GRIP2: variants seen among roughly 807,000 people sequenced by gnomAD.
The protein encoded by GRIP2 is glutamate receptor interacting protein 2.
Under a neutral mutation model 108.3 loss-of-function variants are expected in GRIP2, and 58 were observed. The ratio of observed to expected loss-of-function variants is 0.54; its 90% CI spans 0.43 to 0.67. The LOEUF is 0.67. GRIP2 is among the 30% of genes least tolerant of loss of function. GRIP2 has a pLI of 0.00. For synonymous variants in GRIP2, 586 were observed against 598.2 expected, an observed-to-expected ratio of 0.98 and a Z score of 0.30; for missense variants, 1,278 against 1,430.6, an observed-to-expected ratio of 0.89 and a Z score of 1.72.
chr3:14,584,379 A>C, the GRIP2 span, among the ~76,000 whole-genome samples: 2 of 152,078 alleles, frequency 1.3e-5, no homozygotes, highest in Non-Finnish European at 2.9e-5. Flanking sequence ...CTTCAAGCCC[A>C]CCGTGGAGGC....
chr3:14,551,232 A>G (rs763720692), intron 1 of GRIP2, among the ~76,000 whole-genome samples: 6 of 152,130 alleles, frequency 3.9e-5, no homozygotes, highest in Non-Finnish European at 5.9e-5. Context: ...CTTCACAACG[A>G]TCTGGACAAT....
rs72297166 is a variant in GRIP2, at chr3:14,527,391, A to AG, written c.41-1461dup. On this transcript the variant is annotated intron_variant, in intron 1 of 23. Coordinates refer to ENST00000621039, the MANE Select transcript of GRIP2 (RefSeq NM_001080423.4). ...TTGAAAGGAAAGGAAAGGAAAGGAAAGAAAGGAAAGGAAAGAAGGAAAGCG... is the reference window on the plus strand; with the variant it reads ...TTGAAAGGAAAGGAAAGGAAAGGAAAGGAAAGGAAAGGAAAGAAGGAAAGCG... 1.8e-4 allele frequency among the ~76,000 whole-genome samples: 25 copies of AG among 140,722 alleles called. No individual in the cohort carries two copies. In the South Asian group the frequency reaches 2.0e-3, roughly 11 times the overall value. 92.3% of individuals were successfully genotyped at this position (140,722 alleles called of 152,430 possible). A position where few individuals can be genotyped will look rare whatever the true frequency, so the allele number is the denominator to read the frequency against.
At chr3:14,520,858 A>G in intron 7 of GRIP2, 1 of 318,364 alleles carries the variant, frequency 3.1e-6, no homozygotes, top group Non-Finnish European at 5.9e-6. Flanking sequence ...AAAGTTCACT[A>G]CAACCCATCC....
the GRIP2 span, among the ~76,000 whole-genome samples, chr3:14,602,999 C>A: frequency 4.8e-5 from 7 of 146,814 alleles, no homozygotes; most frequent in African/African-American, 1.7e-4. This position sits in a 1 kb window ranked among gnomAD's most constrained non-coding sequence, Gnocchi z 4.7. Flanking sequence ...GGCCGCCCTG[C>A]GGCCCGGCCC....
the GRIP2 span, among the ~76,000 whole-genome samples, chr3:14,561,126 C>T: frequency 1.1e-3 from 163 of 152,342 alleles, no homozygotes; most frequent in African/African-American, 3.7e-3. Flanking sequence ...ACCTGCCAGG[C>T]TCCCCTGTGC....
chr3:14,594,507 A>G, the GRIP2 span, among the ~76,000 whole-genome samples: 1 of 152,174 alleles, frequency 6.6e-6, no homozygotes, highest in Admixed American at 6.5e-5. Flanking sequence ...CTGTCTGGAG[A>G]GTCCCAGACT....
the GRIP2 span, among the ~76,000 whole-genome samples, chr3:14,599,681 C>CTGTGTGTGTGTGTGTGTGTGTG: frequency 5.4e-5 from 7 of 130,484 alleles, no homozygotes; most frequent in African/African-American, 2.1e-4. Context: ...CTCTCTCTCT[C>CTGTGTGTGTGTGTGTGTGTGTG]TCTCTGTGTG....
intron 1 of GRIP2, among the ~76,000 whole-genome samples, chr3:14,552,952 T>C (rs1316286728): frequency 3.3e-5 from 5 of 152,054 alleles, no homozygotes; most frequent in African/African-American, 1.2e-4. Flanking sequence ...TCAAGGACCA[T>C]CCATGGCTCC....
At chr3:14,494,514 G>C (rs181491994) in intron 23 of GRIP2, among the ~76,000 whole-genome samples, 344 of 152,286 alleles carry the variant, frequency 2.3e-3, no homozygotes, top group African/African-American at 7.9e-3. Context: ...AAAAATCCAC[G>C]TGTGACTTTC....
chr3:14,575,902 C>T, the GRIP2 span, among the ~76,000 whole-genome samples: 6 of 152,342 alleles, frequency 3.9e-5, no homozygotes, highest in African/African-American at 1.2e-4. Context: ...GGAGGCTGTG[C>T]CCCCTTATCA....
At chr3:14,501,882 A>G (rs1276381543) in intron 21 of GRIP2, among the ~76,000 whole-genome samples, 1 of 152,210 alleles carries the variant, frequency 6.6e-6, no homozygotes, top group Non-Finnish European at 1.5e-5. Context: ...CTACAAGAAT[A>G]CAAATAAAAT....
At chr3:14,581,540 C>A in the GRIP2 span, among the ~76,000 whole-genome samples, 221 of 152,372 alleles carry the variant, frequency 1.5e-3, 2 homozygotes, top group African/African-American at 5.1e-3. Flanking sequence ...GGGACAAGCA[C>A]GTGACCCCAC....
Position 14,521,592 on chromosome 3 carries a change from A to G in GRIP2, c.712+50T>C. 1 of 1,536,586 alleles carries G rather than the reference A, an allele frequency of 6.5e-7. No homozygotes were observed. ...TCCATGGCCACTGCCACCTCCCCCCATCCCAGGCCTCCTCCTGCCCCAACC... is the reference window on the plus strand; with the variant it reads ...TCCATGGCCACTGCCACCTCCCCCCGTCCCAGGCCTCCTCCTGCCCCAACC... On this transcript the variant is annotated intron_variant, in intron 7 of 23. Transcript: ENST00000621039. This position sits in a 1 kb window ranked among gnomAD's most constrained non-coding sequence, Gnocchi z 5.1.
intron 13 of GRIP2, among the ~76,000 whole-genome samples, chr3:14,513,355 G>A (rs143375272): frequency 1.8e-3 from 278 of 152,328 alleles, no homozygotes; most frequent in Non-Finnish European, 3.2e-3. Context: ...GGTCACAGAA[G>A]CAGAATTCTG....
the GRIP2 span, among the ~76,000 whole-genome samples, chr3:14,581,164 A>G: frequency 2.6e-5 from 4 of 152,210 alleles, no homozygotes; most frequent in African/African-American, 7.2e-5. Flanking sequence ...GGATGGATCT[A>G]TTGGTTCTCT....
At chr3:14,524,973 C>T (rs1372254359) in intron 3 of GRIP2, among the ~76,000 whole-genome samples, 4 of 152,164 alleles carry the variant, frequency 2.6e-5, no homozygotes, top group Admixed American at 6.5e-5. Flanking sequence ...AAGGGAGCCA[C>T]AGGGGCAAAT....
chr3:14,573,433 G>T, the GRIP2 span: 1 of 1,437,110 alleles, frequency 7.0e-7, no homozygotes, highest in African/African-American at 1.4e-5. Context: ...CTGGTGTGCA[G>T]GAAGAGGGAC....
Position 14,514,365 on chromosome 3 carries a change from C to T in GRIP2, c.1420G>A (p.Gly474Ser), listed in dbSNP as rs755364187. Residue 474 changes from glycine (G) to serine (S), a missense_variant, in exon 12 of 24, where the codon GGC (glycine) becomes AGC (serine). Physicochemically the swap from Gly to Ser is moderately conservative, Grantham distance 56 (BLOSUM62 0). Transcript: ENST00000621039. Reference protein sequence around the residue: ...LSGFGLQLQGGIFATETLSSP... With the variant: ...LSGFGLQLQGSIFATETLSSP... ...GACAGGGTCTCGGTGGCGAAGATGC[C>T]GCCCTGGAGCTGGAGGCCAAAGCCG... 2.3e-5 allele frequency: 37 copies of T among 1,575,824 alleles called. No homozygotes were observed. Among genetic ancestry groups the T allele is most frequent in the Middle Eastern group, 1.7e-4 (1 of 5,774 alleles).
At chr3:14,517,020 G>C in intron 11 of GRIP2, 44 bp downstream of exon 11, 1 of 1,451,712 alleles carries the variant, frequency 6.9e-7, no homozygotes, top group South Asian at 1.5e-5. Context: ...CTCACTCTCA[G>C]ACATACAAGC....
Sources: gnomAD v4.1 joint callset for allele counts (sites outside exome capture counted in the v4.1 genomes callset) on GRCh38, gnomAD v4.1.1 for gene constraint, Gnocchi (gnomAD v3.1) non-coding constraint, MANE v1.5 for transcripts, NCBI Gene and HGNC (gene_info 2026-07-23, HGNC 2026-07-21) for gene names.